The following CCDC73 variants were observed in gnomAD, a reference collection of about 807,000 sequenced individuals.
The protein encoded by CCDC73 is coiled-coil domain-containing protein 73.
Under a neutral mutation model 116.5 loss-of-function variants are expected in CCDC73, and 95 were observed. The observed-to-expected ratio is 0.82, with a 90% CI of 0.69 to 0.97. The LOEUF (loss-of-function observed/expected upper bound fraction) is 0.97. Ranked by LOEUF, CCDC73 falls within the 50% of genes least tolerant of loss-of-function variation. CCDC73 has a pLI of 0.00. For missense variants in CCDC73, 1,066 were observed against 1,206.8 expected (o/e 0.88, Z 1.73); for synonymous variants, 398 against 401.3 (o/e 0.99, Z 0.10).
At chr11:32,675,439 GC>G (rs2133287132) in intron 9 of CCDC73, 125 bp downstream of exon 9, 1 of 552,310 alleles carries the variant, frequency 1.8e-6, no homozygotes, top group South Asian at 2.4e-5. Flanking sequence ...CAAAATTTAT[GC>G]ATCTGTATTG....
intron 2 of CCDC73, among the ~76,000 whole-genome samples, chr11:32,753,982 C>T (rs974097521): frequency 2.0e-5 from 3 of 152,146 alleles, no homozygotes; most frequent in African/African-American, 7.2e-5. Flanking sequence ...TTGTTCTTTT[C>T]ACCCATTGAA....
intron 2 of CCDC73, among the ~76,000 whole-genome samples, chr11:32,743,172 G>GT (rs1468032239): frequency 9.2e-5 from 14 of 152,184 alleles, no homozygotes; most frequent in Non-Finnish European, 1.2e-4. Flanking sequence ...CTTTAAAGTA[G>GT]TTTTTTCCAA....
At chr11:32,644,454 G>A (rs1056186824) in intron 12 of CCDC73, among the ~76,000 whole-genome samples, 2 of 152,066 alleles carry the variant, frequency 1.3e-5, no homozygotes, top group African/African-American at 4.8e-5. Flanking sequence ...ACCTGCACAT[G>A]TACCTCTGAA....
chr11:32,830,395 G>A, the CCDC73 span: 7 of 966,838 alleles, frequency 7.2e-6, no homozygotes, highest in Non-Finnish European at 9.7e-6. Context: ...CGCGCGCCGG[G>A]CGCTCTTGCG....
At chr11:32,692,749 A>C (rs966651230) in intron 6 of CCDC73, among the ~76,000 whole-genome samples, 3 of 152,188 alleles carry the variant, frequency 2.0e-5, no homozygotes, top group African/African-American at 7.2e-5. Flanking sequence ...TGTTTGGGAA[A>C]TACTAATGGA....
chr11:32,639,782 A>G (rs1855716305), intron 13 of CCDC73, among the ~76,000 whole-genome samples: 1 of 152,002 alleles, frequency 6.6e-6, no homozygotes, highest in African/African-American at 2.4e-5. Context: ...CCCTTTCCCT[A>G]ATTTCTGAAC....
chr11:32,778,826 G>A (rs1032142741), intron 1 of CCDC73, among the ~76,000 whole-genome samples: 2 of 151,912 alleles, frequency 1.3e-5, no homozygotes, highest in East Asian at 1.9e-4. Context: ...CAGAGAAAAC[G>A]GATGCTAAAT....
At chr11:32,740,267 G>A (rs990352440) in intron 2 of CCDC73, among the ~76,000 whole-genome samples, 1 of 151,864 alleles carries the variant, frequency 6.6e-6, no homozygotes, top group Non-Finnish European at 1.5e-5. Flanking sequence ...AGTAGAATTG[G>A]TATTAGTTCT....
At chr11:32,740,026 C>G (rs778844323) in intron 2 of CCDC73, among the ~76,000 whole-genome samples, 17 of 152,178 alleles carry the variant, frequency 1.1e-4, no homozygotes, top group Admixed American at 4.6e-4. Context: ...TGTGATAAAT[C>G]CCACTTGGTC....
At chr11:32,691,370 T>C (rs953067704) in intron 6 of CCDC73, among the ~76,000 whole-genome samples, 1 of 152,082 alleles carries the variant, frequency 6.6e-6, no homozygotes, top group Admixed American at 6.6e-5. Context: ...TTTTACTGCC[T>C]CCATCATTTT....
the CCDC73 span, among the ~76,000 whole-genome samples, chr11:32,821,314 C>T: frequency 6.6e-6 from 1 of 152,106 alleles, no homozygotes. Flanking sequence ...AGAAAATATT[C>T]GCAATATTAA....
At chr11:32,671,414 A>AG (rs1565072367) in intron 9 of CCDC73, among the ~76,000 whole-genome samples, 1 of 151,650 alleles carries the variant, frequency 6.6e-6, no homozygotes, top group African/African-American at 2.4e-5. Context: ...AAAAAAAAAA[A>AG]AAAGAAATTC....
intron 7 of CCDC73, among the ~76,000 whole-genome samples, chr11:32,676,274 G>C (rs1213077629): frequency 6.6e-6 from 1 of 152,054 alleles, no homozygotes; most frequent in Non-Finnish European, 1.5e-5. Flanking sequence ...TGTTTCCCTT[G>C]TTTGCAATTT....
At chr11:32,806,153 T>C in the CCDC73 span, among the ~76,000 whole-genome samples, 4 of 152,238 alleles carry the variant, frequency 2.6e-5, no homozygotes, top group Admixed American at 6.5e-5. Context: ...CTGACTAATA[T>C]GTGTATAATC....
intron 6 of CCDC73, among the ~76,000 whole-genome samples, chr11:32,688,249 G>A (rs114687110): frequency 0.048 from 7,280 of 152,172 alleles, 193 homozygotes; most frequent in African/African-American, 0.064. Flanking sequence ...GATTCAATAA[G>A]AAGAATATGG....
At chr11:32,733,973 G>A (rs1269802362) in intron 2 of CCDC73, among the ~76,000 whole-genome samples, 4 of 152,144 alleles carry the variant, frequency 2.6e-5, no homozygotes, top group African/African-American at 9.7e-5. Flanking sequence ...AAAAATCAAT[G>A]AATCCAGGAG....
At chr11:32,703,040 C>T (rs920381013) in intron 3 of CCDC73, 96 bp from the exon 4 acceptor site, 49 of 808,514 alleles carry the variant, frequency 6.1e-5, no homozygotes, top group Non-Finnish European at 4.5e-5. Context: ...GTCAACCATA[C>T]CTTCTACATA....
At position 32,611,278 on chromosome 11, in the gene CCDC73, G is replaced by C. The variant is rs1855420391; in HGVS notation, c.2897-13C>G. 6.2e-7 allele frequency: 1 copy of C among 1,607,072 alleles called. No homozygotes were observed. Among genetic ancestry groups the C allele is most frequent in the Non-Finnish European group, 8.5e-7 (1 of 1,177,142 alleles). On this transcript the variant is annotated splice_polypyrimidine_tract_variant and intron_variant, in intron 16 of 17. Coordinates refer to ENST00000335185, the MANE Select transcript of CCDC73 (RefSeq NM_001008391.4). ...ATGCTGGTAGTATCTGATTGATAAA[G>C]AGGAAATGGCAACAACTGAATTTTT...
intron 14 of CCDC73, among the ~76,000 whole-genome samples, chr11:32,628,986 G>C (rs1855603265): frequency 6.6e-6 from 1 of 151,862 alleles, no homozygotes; most frequent in Admixed American, 6.6e-5. Context: ...CGAACCAAAT[G>C]GAAATTTTAG....
Sources: gnomAD v4.1 joint callset for allele counts (sites outside exome capture counted in the v4.1 genomes callset) on GRCh38, gnomAD v4.1.1 for gene constraint, MANE v1.5 for transcripts, NCBI Gene and HGNC (gene_info 2026-07-23, HGNC 2026-07-21) for gene names.